Variants in GALNT13 observed in about 807,000 individuals in gnomAD.
The protein encoded by GALNT13 is UDP-GalNAc:polypeptide N-acetylgalactosaminyltransferase 13.
A neutral mutation model predicts 64.2 loss-of-function variants in GALNT13; 28 were observed. That is an observed-to-expected ratio of 0.44 (90% CI 0.32 to 0.60). The LOEUF is 0.60. Ranked by LOEUF, GALNT13 falls within the 20% of genes least tolerant of loss-of-function variation. GALNT13 has a pLI of 0.05. For missense variants in GALNT13, 577 were observed against 669.8 expected (o/e 0.86, Z 1.53); for synonymous variants, 214 against 224.6 (o/e 0.95, Z 0.42).
chr2:153,472,428 T>C, the GALNT13 span, among the ~76,000 whole-genome samples: 2 of 152,126 alleles, frequency 1.3e-5, no homozygotes, highest in Non-Finnish European at 2.9e-5. Context: ...TTCCCTTACA[T>C]GTGTTTGTCT....
At chr2:154,368,053 A>G (rs1216772416) in intron 9 of GALNT13, among the ~76,000 whole-genome samples, 2 of 152,210 alleles carry the variant, frequency 1.3e-5, no homozygotes, top group African/African-American at 4.8e-5. Flanking sequence ...TTGGGCCAAC[A>G]GCGGACATTG....
intron 4 of GALNT13, among the ~76,000 whole-genome samples, chr2:154,208,632 G>T (rs974554877): frequency 8.2e-6 from 1 of 121,346 alleles, no homozygotes; most frequent in African/African-American, 3.3e-5. Flanking sequence ...GTCTGTGTGT[G>T]TGTGTGTGTG....
At chr2:154,299,824 ATTC>A (rs1693324773) in intron 8 of GALNT13, among the ~76,000 whole-genome samples, 3 of 151,798 alleles carry the variant, frequency 2.0e-5, no homozygotes, top group South Asian at 4.1e-4. Flanking sequence ...GAAGGTTTCT[ATTC>A]TTCTCGTATA....
chr2:153,319,020 G>C, the GALNT13 span, among the ~76,000 whole-genome samples: 4 of 151,964 alleles, frequency 2.6e-5, no homozygotes, highest in Non-Finnish European at 2.9e-5. Context: ...AGGGACCCAG[G>C]GTTCAGAGAA....
the GALNT13 span, among the ~76,000 whole-genome samples, chr2:153,187,929 T>C: frequency 3.7e-4 from 57 of 152,264 alleles, 2 homozygotes; most frequent in Admixed American, 3.3e-3. Flanking sequence ...GGGTTTAACA[T>C]TGAAAATTAA....
At chr2:153,977,048 G>A (rs1694120384) in intron 3 of GALNT13, among the ~76,000 whole-genome samples, 1 of 152,020 alleles carries the variant, frequency 6.6e-6, no homozygotes. Context: ...TTGTCAATAA[G>A]GGAATATTTT....
At chr2:153,885,060 T>TAAATA (rs554701224) in intron 1 of GALNT13, among the ~76,000 whole-genome samples, 10 of 150,426 alleles carry the variant, frequency 6.6e-5, no homozygotes, top group African/African-American at 2.2e-4. Flanking sequence ...TAAAGTAAAA[T>TAAATA]AAATAAAATA....
chr2:153,887,682 G>A (rs1422164493), intron 1 of GALNT13, among the ~76,000 whole-genome samples: 1 of 151,876 alleles, frequency 6.6e-6, no homozygotes, highest in Non-Finnish European at 1.5e-5. Flanking sequence ...TTCTATTTGG[G>A]AATTTCCAAC....
rs747320517 is a variant in GALNT13 at position 154,040,350 on chromosome 2, C to T, written c.142+95711C>T. 7.8e-5 allele frequency among the ~76,000 whole-genome samples: 11 copies of T among 140,864 alleles called. 3 individuals carry two copies. The highest frequency in any genetic ancestry group is 1.8e-4 in the Non-Finnish European group (11 of 61,330). 92.4% of individuals were successfully genotyped at this position (140,864 alleles called of 152,430 possible). On this transcript the variant is annotated intron_variant, in intron 3 of 12. Coordinates refer to ENST00000392825, the MANE Select transcript of GALNT13 (RefSeq NM_052917.4). ...AGTCATCTTTCTGATGTATCTTAGG[C>T]ATTGAAGTTTTGGTGCACTGAGTAG...
intron 11 of GALNT13, among the ~76,000 whole-genome samples, chr2:154,412,440 T>A (rs2105400978): frequency 6.6e-6 from 1 of 151,934 alleles, no homozygotes; most frequent in East Asian, 1.9e-4. Flanking sequence ...GTTTTATAAG[T>A]AGCCCCCAAC....
chr2:153,857,699 C>T, the GALNT13 span, among the ~76,000 whole-genome samples: 1 of 152,138 alleles, frequency 6.6e-6, no homozygotes, highest in Non-Finnish European at 1.5e-5. Flanking sequence ...AATCACATAC[C>T]TCTTCTTGAT....
In GALNT13 at chr2:154,245,939, A is replaced by C. The variant is rs778225504; in HGVS notation, c.814A>C (p.Arg272=). 1 of 1,613,426 alleles carries C rather than the reference A, an allele frequency of 6.2e-7. No homozygotes were observed. The highest frequency in any genetic ancestry group is 1.1e-5 in the South Asian group (1 of 91,040). The change falls in exon 7 of 13, where the codon AGA becomes CGA. Residue 272 remains arginine, a synonymous_variant. Transcript: ENST00000392825. ...TTTCCGCTGGTATCCTGTTCCCCAAAGAGAAATGGACAGGAGGAAAGGAGA... is the reference window on the plus strand; with the variant it reads ...TTTCCGCTGGTATCCTGTTCCCCAACGAGAAATGGACAGGAGGAAAGGAGA... The part of the protein sequence containing the change: ...LNFRWYPVPQ[R]EMDRRKGDRT...
chr2:153,630,795 ATATATATATATAT>A, the GALNT13 span, among the ~76,000 whole-genome samples: 227 of 13,966 alleles, frequency 0.016, 8 homozygotes, highest in South Asian at 0.049. Flanking sequence ...ATATATATAT[ATATATATATATAT>A]TTTTTTTTTT....
At chr2:153,649,559 G>T in the GALNT13 span, among the ~76,000 whole-genome samples, 1 of 146,862 alleles carries the variant, frequency 6.8e-6, no homozygotes, top group Admixed American at 6.9e-5. Flanking sequence ...GTGATGTTAG[G>T]GTGTCAATTT....
the GALNT13 span, among the ~76,000 whole-genome samples, chr2:153,180,586 T>C: frequency 6.6e-6 from 1 of 152,174 alleles, no homozygotes; most frequent in African/African-American, 2.4e-5. Flanking sequence ...TGGAAGAGTT[T>C]GTTAAGTATT....
At chr2:153,103,294 A>G in the GALNT13 span, among the ~76,000 whole-genome samples, 4 of 152,104 alleles carry the variant, frequency 2.6e-5, no homozygotes, top group Non-Finnish European at 5.9e-5. Flanking sequence ...AAGTATGTCC[A>G]GCTCATTCCC....
rs75962362 is a variant in GALNT13, at chr2:154,385,718, C to T, written c.1157-10273C>T. ...AGTTTATCTGTTGTTCCAGTACTTC[C>T]GGTGCCTAACTAAACCATACTACTC... On this transcript the variant is annotated intron_variant, in intron 9 of 12. Transcript: ENST00000392825. Among the ~76,000 whole-genome samples, 14 of 152,034 alleles carry T rather than the reference C, an allele frequency of 9.2e-5. No homozygotes were observed. In the East Asian group the frequency reaches 1.6e-3, roughly 17 times the overall value.
chr2:153,079,203 G>C, the GALNT13 span, among the ~76,000 whole-genome samples: 1 of 152,144 alleles, frequency 6.6e-6, no homozygotes, highest in Non-Finnish European at 1.5e-5. Flanking sequence ...CTAGAGGGAG[G>C]AGGGGATAAT....
chr2:154,384,609 T>C (rs894020485), intron 9 of GALNT13, among the ~76,000 whole-genome samples: 2 of 151,850 alleles, frequency 1.3e-5, no homozygotes, highest in Non-Finnish European at 2.9e-5. Flanking sequence ...AAATCATATG[T>C]CATTCATGTA....
Sources: gnomAD v4.1 joint callset for allele counts (sites outside exome capture counted in the v4.1 genomes callset) on GRCh38, gnomAD v4.1.1 for gene constraint, MANE v1.5 for transcripts, NCBI Gene and HGNC (gene_info 2026-07-23, HGNC 2026-07-21) for gene names.